The following PSAP variants were observed in gnomAD, a reference collection of about 807,000 sequenced individuals.
PSAP encodes the protein prosaposin.
PSAP carries 25 observed loss-of-function variants against 66.0 expected under a neutral mutation model. The observed-to-expected ratio is 0.38, with a 90% CI of 0.28 to 0.53. PSAP has a LOEUF of 0.53. PSAP is among the 20% of genes least tolerant of loss of function. PSAP has a pLI of 0.83. For synonymous variants in PSAP, 273 were observed against 258.9 expected, an observed-to-expected ratio of 1.05 and a Z score of -0.52; for missense variants, 649 against 668.8, an observed-to-expected ratio of 0.97 and a Z score of 0.33.
Position 71,819,697 on chromosome 10 carries a change from C to T in PSAP, c.1192+17G>A, listed in dbSNP as rs1449279176. On this transcript the variant is annotated intron_variant, in intron 10 of 13. Coordinates refer to ENST00000394936, the MANE Select transcript of PSAP (RefSeq NM_002778.4). ...AAGAGGGGCACCATCCTCTCCCGCACCACACCCAGCGCTCACCGGTCAGTG... is the reference window on the plus strand; with the variant it reads ...AAGAGGGGCACCATCCTCTCCCGCATCACACCCAGCGCTCACCGGTCAGTG... The T allele has an allele frequency of 2.5e-6, 4 of 1,613,994 alleles. No homozygotes were observed. Among genetic ancestry groups the T allele is most frequent in the Non-Finnish European group, 3.4e-6 (4 of 1,180,028 alleles).
At chr10:71,833,016 C>CAAAAAAAAAAAAAAAAAAAAAAAAAAAA (rs781415981) in intron 2 of PSAP, among the ~76,000 whole-genome samples, 1 of 50,704 alleles carries the variant, frequency 2.0e-5, no homozygotes, top group Non-Finnish European at 3.6e-5. Flanking sequence ...GAGTCCATCT[C>CAAAAAAAAAAAAAAAAAAAAAAAAAAAA]AAAAAAAAAA....
intron 1 of PSAP, among the ~76,000 whole-genome samples, chr10:71,835,525 T>A (rs1455884053): frequency 1.3e-5 from 2 of 150,490 alleles, no homozygotes; most frequent in African/African-American, 4.9e-5. Flanking sequence ...TGAGCCGAGA[T>A]CTCACCACTG....
At position 71,818,694 on chromosome 10, in the gene PSAP, G is replaced by A; in HGVS notation, c.1462C>T (p.Pro488Ser). Residue 488 changes from proline to serine, a missense_variant, in exon 13 of 14, where the codon CCC becomes TCC. By Grantham distance (74) the Pro-to-Ser change is moderately conservative (BLOSUM62 -1). Coordinates refer to ENST00000394936, the MANE Select transcript of PSAP (RefSeq NM_002778.4). ...ATACACTTCTCAGTTCCCAACAAGG[G>A]CTTATGGGCCGAGGGGCAGGCTCCA... ...KIGACPSAHK[P>S]LLGTEKCIWG... The A allele has an allele frequency of 6.2e-7, 1 of 1,614,168 alleles. No homozygotes were observed. Among genetic ancestry groups the A allele is most frequent in the Non-Finnish European group, 8.5e-7 (1 of 1,180,024 alleles).
At chr10:71,835,252 TA>T (rs1278478541) in intron 1 of PSAP, among the ~76,000 whole-genome samples, 2 of 141,156 alleles carry the variant, frequency 1.4e-5, no homozygotes, top group East Asian at 4.2e-4. Context: ...ATAAATAAAA[TA>T]AAAATTAAAA....
At chr10:71,844,428 G>C (rs1472488108) in intron 1 of PSAP, among the ~76,000 whole-genome samples, 1 of 152,228 alleles carries the variant, frequency 6.6e-6, no homozygotes, top group Non-Finnish European at 1.5e-5. Flanking sequence ...CACTTTGGGG[G>C]GCTGAGGTGG....
rs535908745 is a variant in PSAP at position 71,845,326 on chromosome 10, T to TGGC, written c.40+5853_40+5855dup. Among the ~76,000 whole-genome samples, 442 of 152,260 alleles carry TGGC rather than the reference T, an allele frequency of 2.9e-3. 1 individual carries two copies. The Middle Eastern group carries it at 0.034, about 12-fold the overall frequency. The stretch of plus-strand genomic sequence containing the variant: ...GGGAGGAAAAACAAGTCCAGGAAGG[T>TGGC]GGCTCTCTACGGGGGCAGCTGGGTT... On this transcript the variant is annotated intron_variant, in intron 1 of 13. Coordinates refer to ENST00000394936, the MANE Select transcript of PSAP (RefSeq NM_002778.4).
At chr10:71,825,810 C>T (rs756788560) in intron 7 of PSAP, 27 bp downstream of exon 7, 1 of 1,597,890 alleles carries the variant, frequency 6.3e-7, no homozygotes, top group Non-Finnish European at 8.6e-7. Context: ...AAGAAAAATG[C>T]TAACAAGGGG....
chr10:71,831,301 A>C, intron 3 of PSAP, 50 bp from the exon 4 acceptor site: 1 of 1,607,282 alleles, frequency 6.2e-7, no homozygotes, highest in South Asian at 1.1e-5. Flanking sequence ...CCTCCCTGGA[A>C]ATAAATGGGC....
intron 13 of PSAP, 67 bp from the exon 14 acceptor site, chr10:71,817,543 A>G: frequency 6.7e-7 from 1 of 1,486,452 alleles, no homozygotes; most frequent in Non-Finnish European, 9.4e-7. Context: ...CCATCAATGT[A>G]TCAGATATCA....
chr10:71,845,666 A>G (rs1307867014), intron 1 of PSAP, among the ~76,000 whole-genome samples: 11 of 152,116 alleles, frequency 7.2e-5, no homozygotes, highest in African/African-American at 2.7e-4. Flanking sequence ...TACTCTAAAC[A>G]GCTCGCCTCC....
rs756967389 is a variant in PSAP, at chr10:71,831,303, T to C, written c.250-52A>G. On this transcript the variant is annotated intron_variant, in intron 3 of 13. Coordinates refer to ENST00000394936, the MANE Select transcript of PSAP (RefSeq NM_002778.4). ...CACGATAGGCTTTCCTCCCTGGAAA[T>C]AAATGGGCTGAAGGCAAGAGGCCCT... 2.5e-6 allele frequency: 4 copies of C among 1,606,380 alleles called. No individual in the cohort carries two copies. The East Asian group carries it at 8.9e-5, about 36-fold the overall frequency.
At position 71,817,402 on chromosome 10, in the gene PSAP, C is replaced by T. The variant is rs1213326436; in HGVS notation, c.*39G>A. 1.2e-6 allele frequency: 2 copies of T among 1,610,480 alleles called. No individual in the cohort carries two copies. Among genetic ancestry groups the T allele is most frequent in the Non-Finnish European group, 1.7e-6 (2 of 1,176,752 alleles). Reference sequence around the variant, plus strand: ...CCCAGACACACAAGTAGAAAAAAACCAATGCTGTGGTTTCTGCCAAGATGG... The same window carrying T: ...CCCAGACACACAAGTAGAAAAAAACTAATGCTGTGGTTTCTGCCAAGATGG... On this transcript the variant is annotated 3_prime_UTR_variant, in exon 14 of 14. Transcript: ENST00000394936.
chr10:71,827,423 G>GAA (rs1165823382), intron 6 of PSAP, among the ~76,000 whole-genome samples: 1 of 122,648 alleles, frequency 8.2e-6, no homozygotes, highest in East Asian at 2.5e-4. Context: ...AAAAAGAAAA[G>GAA]AAAAGAAAAA....
chr10:71,846,728 T>C, intron 1 of PSAP, among the ~76,000 whole-genome samples: 1 of 66,328 alleles, frequency 1.5e-5, no homozygotes. Flanking sequence ...TAAGACCCTG[T>C]CTCAAAAAAA....
At chr10:71,826,743 G>GA (rs56279127) in intron 6 of PSAP, among the ~76,000 whole-genome samples, 105,698 of 144,500 alleles carry the variant, frequency 0.73, 38,271 homozygotes, top group South Asian at 0.77. Flanking sequence ...CCTGTCTCAA[G>GA]AAAAAAAAAA....
At chr10:71,833,040 A>AAAAAAAAAAAAAG in intron 2 of PSAP, among the ~76,000 whole-genome samples, 2 of 145,462 alleles carry the variant, frequency 1.4e-5, no homozygotes, top group Non-Finnish European at 3.0e-5. Flanking sequence ...AACAAAAAAC[A>AAAAAAAAAAAAAG]AAAACAGAAG....
Position 71,819,557 on chromosome 10 carries a change from C to T in PSAP, c.1258G>A (p.Asp420Asn), listed in dbSNP as rs760621775. 1.9e-6 allele frequency: 3 copies of T among 1,614,218 alleles called. No homozygotes were observed. Among genetic ancestry groups the T allele is most frequent in the Non-Finnish European group, 2.5e-6 (3 of 1,180,048 alleles). The change falls in exon 11 of 14, where the codon GAT (aspartate) becomes AAT (asparagine). Residue 420 changes from aspartate (D) to asparagine (N), a missense_variant. Physicochemically the swap from Asp to Asn is conservative, Grantham distance 23 (BLOSUM62 1). Transcript: ENST00000394936. ...EVCKKLVGYL[D>N]RNLEKNSTKQ... Reference sequence around the variant, plus strand: ...GTGCTGTTTTTCTCCAGGTTGCGATCCAAATAACCCACCAGCTTCTTGCAC... The same window carrying T: ...GTGCTGTTTTTCTCCAGGTTGCGATTCAAATAACCCACCAGCTTCTTGCAC...
At chr10:71,828,664 T>G (rs1463369457) in intron 5 of PSAP, among the ~76,000 whole-genome samples, 1 of 150,166 alleles carries the variant, frequency 6.7e-6, no homozygotes, top group African/African-American at 2.5e-5. Context: ...AGAAGTAAAT[T>G]TTTTTAAAGG....
At chr10:71,847,913 A>T (rs1842850556) in intron 1 of PSAP, among the ~76,000 whole-genome samples, 1 of 152,186 alleles carries the variant, frequency 6.6e-6, no homozygotes, top group Admixed American at 6.6e-5. Context: ...GCATCCCCAG[A>T]AAACATAACT....
Sources: gnomAD v4.1 joint callset for allele counts (sites outside exome capture counted in the v4.1 genomes callset) on GRCh38, gnomAD v4.1.1 for gene constraint, MANE v1.5 for transcripts, NCBI Gene and HGNC (gene_info 2026-07-23, HGNC 2026-07-21) for gene names.